ENPEP: variants seen among roughly 807,000 people sequenced by gnomAD.
The protein encoded by ENPEP is AP-A.
A neutral mutation model predicts 114.5 loss-of-function variants in ENPEP; 103 were observed. The observed-to-expected ratio is 0.90, with a 90% CI of 0.77 to 1.06. ENPEP has a LOEUF of 1.06. ENPEP is among the 50% of genes least tolerant of loss of function. The probability of loss-of-function intolerance (pLI) is 0.00; values close to 1 mark genes in which losing one functional copy is unlikely to be tolerated. For missense variants in ENPEP, 1,196 were observed against 1,161.3 expected (o/e 1.03, Z -0.43); for synonymous variants, 420 against 422.0 (o/e 1.00, Z 0.06).
intron 1 of ENPEP, among the ~76,000 whole-genome samples, chr4:110,477,428 A>G (rs888361868): frequency 6.6e-5 from 10 of 152,226 alleles, no homozygotes; most frequent in African/African-American, 2.4e-4. Context: ...AGCAATATAT[A>G]TACAGCAATA....
chr4:110,555,327 C>T (rs1229312336), intron 18 of ENPEP, among the ~76,000 whole-genome samples: 1 of 151,924 alleles, frequency 6.6e-6, no homozygotes, highest in Admixed American at 6.6e-5. Flanking sequence ...AAAAATTAAA[C>T]AAAAATGAGC....
chr4:110,550,359 T>A lies in ENPEP; in HGVS notation c.2501+473T>A, dbSNP rs569509794. On this transcript the variant is annotated intron_variant, in intron 17 of 19. Transcript: ENST00000265162. Reference sequence around the variant, plus strand: ...CACCCTTCATCATTGTGAGTCACACTCTGGGTCTGCTACTTGATCCTTTGC... The same window carrying A: ...CACCCTTCATCATTGTGAGTCACACACTGGGTCTGCTACTTGATCCTTTGC... 1.4e-4 allele frequency among the ~76,000 whole-genome samples: 21 copies of A among 152,170 alleles called. No homozygotes were observed. The Middle Eastern group carries it at 0.01, about 74-fold the overall frequency.
At position 110,506,755 on chromosome 4, in the gene ENPEP, T is replaced by C. The variant is rs1725388409; in HGVS notation, c.1037T>C (p.Leu346Ser). 1 of 1,547,190 alleles carries C rather than the reference T, an allele frequency of 6.5e-7. No individual in the cohort carries two copies. The highest frequency in any genetic ancestry group is 2.3e-5 in the East Asian group (1 of 44,104). The stretch of plus-strand genomic sequence containing the variant: ...GCTATGAATTATTCTCTTCCTAAAT[T>C]AGGTGAGGATCATTTTTTAATTTTC... Reference protein sequence around the residue: ...YFAMNYSLPKLDKIAIPDFGT... With the variant: ...YFAMNYSLPKSDKIAIPDFGT... Residue 346 changes from leucine (L) to serine (S), a missense_variant and splice_region_variant, in exon 4 of 20, where the codon TTA becomes TCA. Physicochemically the swap from Leu to Ser is moderately radical, Grantham distance 145. Transcript: ENST00000265162.
chr4:110,514,882 C>A (rs2110358368), intron 7 of ENPEP, among the ~76,000 whole-genome samples: 1 of 152,108 alleles, frequency 6.6e-6, no homozygotes, highest in East Asian at 1.9e-4. Context: ...AGATTATATG[C>A]CTAAATTATG....
At chr4:110,494,556 C>T (rs1374916981) in intron 3 of ENPEP, among the ~76,000 whole-genome samples, 1 of 152,122 alleles carries the variant, frequency 6.6e-6, no homozygotes, top group Non-Finnish European at 1.5e-5. Flanking sequence ...GTATATTCAC[C>T]TCTCTGACAA....
At chr4:110,550,055 A>T (rs1727229559) in intron 17 of ENPEP, among the ~76,000 whole-genome samples, 169 bp downstream of exon 17, 1 of 152,142 alleles carries the variant, frequency 6.6e-6, no homozygotes, top group African/African-American at 2.4e-5. Context: ...CTAAACAATA[A>T]GGAAATGTAA....
At chr4:110,533,979 T>C (rs548419779) in intron 11 of ENPEP, among the ~76,000 whole-genome samples, 36 of 152,352 alleles carry the variant, frequency 2.4e-4, no homozygotes, top group African/African-American at 8.7e-4. Context: ...GTCTGGTCAC[T>C]GAGCCAGAAG....
intron 18 of ENPEP, among the ~76,000 whole-genome samples, chr4:110,557,918 C>T (rs1727534704): frequency 6.6e-6 from 1 of 151,916 alleles, no homozygotes; most frequent in African/African-American, 2.4e-5. Context: ...ATATTTCTCC[C>T]TGTTACCAAT....
At chr4:110,500,040 AT>A (rs777307721) in intron 3 of ENPEP, 8 of 152,186 alleles carry the variant, frequency 5.3e-5, no homozygotes, top group Non-Finnish European at 8.8e-5. Flanking sequence ...GACATAAATA[AT>A]CATTGAAGAT....
At chr4:110,523,755 A>C (rs577293381) in intron 10 of ENPEP, among the ~76,000 whole-genome samples, 2 of 152,358 alleles carry the variant, frequency 1.3e-5, no homozygotes, top group Admixed American at 6.5e-5. Context: ...TGGAAGAGGG[A>C]GAAAAGGTGG....
chr4:110,507,855 G>A (rs1284270853), intron 4 of ENPEP, among the ~76,000 whole-genome samples: 1 of 152,168 alleles, frequency 6.6e-6, no homozygotes, highest in Non-Finnish European at 1.5e-5. Flanking sequence ...CACACCTGTA[G>A]TCTCAGCTAC....
At chr4:110,537,611 T>A (rs1159137581) in intron 11 of ENPEP, among the ~76,000 whole-genome samples, 1 of 152,234 alleles carries the variant, frequency 6.6e-6, no homozygotes, top group East Asian at 1.9e-4. Flanking sequence ...CAAACTCCTG[T>A]TAATGTTGAT....
intron 13 of ENPEP, among the ~76,000 whole-genome samples, chr4:110,546,044 C>T (rs1230647528): frequency 2.0e-5 from 3 of 152,030 alleles, no homozygotes; most frequent in South Asian, 2.1e-4. Flanking sequence ...GACAGAAAAA[C>T]ATCTGGTGCC....
intron 10 of ENPEP, 149 bp from the exon 11 acceptor site, chr4:110,531,049 G>A (rs1726387586): frequency 2.9e-6 from 1 of 347,364 alleles, no homozygotes. Context: ...TCACTAAAAT[G>A]TTGTATTAAC....
At chr4:110,487,633 G>C (rs796114856) in intron 1 of ENPEP, among the ~76,000 whole-genome samples, 9 of 152,236 alleles carry the variant, frequency 5.9e-5, no homozygotes, top group African/African-American at 2.2e-4. Context: ...TTAGTTTCCA[G>C]AATCCTGAAG....
intron 1 of ENPEP, among the ~76,000 whole-genome samples, chr4:110,482,166 T>TA (rs1246400312): frequency 6.6e-6 from 1 of 152,070 alleles, no homozygotes; most frequent in East Asian, 1.9e-4. Context: ...ATATGAAAGA[T>TA]ATTGCAGCAA....
At chr4:110,508,629 G>A (rs1487363281) in intron 4 of ENPEP, among the ~76,000 whole-genome samples, 1 of 152,062 alleles carries the variant, frequency 6.6e-6, no homozygotes, top group Non-Finnish European at 1.5e-5. Flanking sequence ...GGCTAACACG[G>A]TGAATCCCCG....
intron 10 of ENPEP, among the ~76,000 whole-genome samples, chr4:110,527,600 G>A (rs1028217197): frequency 2.0e-5 from 3 of 152,012 alleles, no homozygotes; most frequent in African/African-American, 4.8e-5. Flanking sequence ...TTGTTTTCAG[G>A]TGATAATTCA....
At chr4:110,486,966 G>A (rs1281943065) in intron 1 of ENPEP, among the ~76,000 whole-genome samples, 2 of 152,062 alleles carry the variant, frequency 1.3e-5, no homozygotes, top group Non-Finnish European at 2.9e-5. Context: ...TGGTCAAGTT[G>A]GAGATGGAGT....
Sources: gnomAD v4.1 joint callset for allele counts (sites outside exome capture counted in the v4.1 genomes callset) on GRCh38, gnomAD v4.1.1 for gene constraint, MANE v1.5 for transcripts, NCBI Gene and HGNC (gene_info 2026-07-23, HGNC 2026-07-21) for gene names.